Variants in GNB1L observed in about 807,000 individuals in gnomAD.
GNB1L encodes the protein G protein subunit beta 1 like.
GNB1L carries 20 observed loss-of-function variants against 29.1 expected under a neutral mutation model. The observed-to-expected ratio is 0.69, with a 90% CI of 0.48 to 1.00. The LOEUF (loss-of-function observed/expected upper bound fraction) is 1.00. Among genes scored for constraint, GNB1L ranks in the 50% least tolerant of loss-of-function variants. GNB1L has a pLI of 0.00. For missense variants in GNB1L, 421 were observed against 464.9 expected (o/e 0.91, Z 0.87); for synonymous variants, 193 against 206.5 (o/e 0.93, Z 0.56).
intron 2 of GNB1L, among the ~76,000 whole-genome samples, chr22:19,844,866 C>A (rs905746684): frequency 6.6e-6 from 1 of 152,346 alleles, no homozygotes. Context: ...GTGACATCCC[C>A]GTGCACCAGT....
intron 4 of GNB1L, among the ~76,000 whole-genome samples, chr22:19,819,614 G>A (rs1282451335): frequency 6.6e-6 from 1 of 152,222 alleles, no homozygotes; most frequent in African/African-American, 2.4e-5. Context: ...AACCATGGGG[G>A]CACCCAGAAA....
chr22:19,847,134 C>CTGCTG (rs1373547400), intron 2 of GNB1L: 2 of 985,314 alleles, frequency 2.0e-6, no homozygotes, highest in African/African-American at 3.5e-5. Flanking sequence ...TACTTGTGGC[C>CTGCTG]TGCTGTGGCC....
Position 19,850,391 on chromosome 22 carries a change from G to A in GNB1L, c.-21+4052C>T, listed in dbSNP as rs144358357. ...TAAGTGCTGAATCCGCAATGCATGC[G>A]AGTGCGGAGTGAGCAGGGGATGGCA... is the stretch of plus-strand genomic sequence containing the variant. On this transcript the variant is annotated intron_variant, in intron 2 of 7. Coordinates refer to ENST00000329517, the MANE Select transcript of GNB1L (RefSeq NM_053004.3). The A allele has an allele frequency of 3.8e-4, 380 of 988,774 alleles. 1 individual carries two copies. In the African/African-American group the frequency reaches 5.5e-3, roughly 14 times the overall value. The allele number at this position is 988,774 out of a possible 1,614,324, so 61.3% of individuals were successfully genotyped here.
chr22:19,851,872 C>T, intron 2 of GNB1L: 1 of 1,613,964 alleles, frequency 6.2e-7, no homozygotes, highest in East Asian at 2.2e-5. Flanking sequence ...CCTGATAGTG[C>T]TCAAAGTGGA....
At chr22:19,811,451 ACTCAAAGGCTCTT>A (rs886143377) in intron 5 of GNB1L, among the ~76,000 whole-genome samples, 1 of 151,820 alleles carries the variant, frequency 6.6e-6, no homozygotes, top group African/African-American at 2.4e-5. Flanking sequence ...GACAGTCGCC[ACTCAAAGGCTCTT>A]CTCTGATTTC....
chr22:19,783,226 G>A lies in GNB1L; in HGVS notation c.*5483C>T. 4 of 589,746 alleles carry A rather than the reference G, an allele frequency of 6.8e-6. No individual in the cohort carries two copies. Among genetic ancestry groups the A allele is most frequent in the Non-Finnish European group, 1.2e-5 (4 of 327,468 alleles). 36.5% of individuals were successfully genotyped at this position (589,746 alleles called of 1,614,324 possible). A position where few individuals can be genotyped will look rare whatever the true frequency, so the allele number is the denominator to read the frequency against. ...CCCAGAATGGCTGTTATGCTGCTCT[G>A]TTTGAGGTGGTTTATTAATGTAGCA... On this transcript the variant is annotated 3_prime_UTR_variant, in exon 8 of 8. Transcript: ENST00000329517.
intron 2 of GNB1L, among the ~76,000 whole-genome samples, chr22:19,843,958 G>C (rs996697449): frequency 6.6e-6 from 1 of 152,206 alleles, no homozygotes; most frequent in Admixed American, 6.5e-5. Context: ...CCCCCAGCAA[G>C]ATTCACTGCC....
chr22:19,849,060 C>T (rs1045157308), intron 2 of GNB1L: 7 of 985,346 alleles, frequency 7.1e-6, no homozygotes, highest in Non-Finnish European at 8.4e-6. Flanking sequence ...GGACGGAGGG[C>T]AGCTGTGACC....
chr22:19,807,969 CTGCTG>C (rs1937455203), intron 5 of GNB1L, among the ~76,000 whole-genome samples: 7 of 152,232 alleles, frequency 4.6e-5, no homozygotes, highest in Admixed American at 6.5e-5. Flanking sequence ...CTACAGAGAC[CTGCTG>C]AGGCGCCCAC....
intron 2 of GNB1L, among the ~76,000 whole-genome samples, chr22:19,835,299 A>G (rs966140218): frequency 2.0e-5 from 3 of 151,878 alleles, no homozygotes; most frequent in African/African-American, 7.3e-5. Context: ...GAAGAAACAC[A>G]TTCCTCTCAA....
chr22:19,796,238 C>A (rs1937304611), intron 7 of GNB1L, among the ~76,000 whole-genome samples: 2 of 152,180 alleles, frequency 1.3e-5, no homozygotes, highest in South Asian at 4.1e-4. Flanking sequence ...GTTCCCAGGC[C>A]AGCTTCAAAG....
At chr22:19,849,680 G>A (rs1261833841) in intron 2 of GNB1L, 1 of 984,914 alleles carries the variant, frequency 1.0e-6, no homozygotes, top group Admixed American at 6.1e-5. Context: ...TTCTGAATAA[G>A]TTTAATCAGA....
rs528951345 is a variant in GNB1L, at chr22:19,812,290, C to T, written c.412G>A (p.Asp138Asn). 9.3e-6 allele frequency: 15 copies of T among 1,612,182 alleles called. No homozygotes were observed. The highest frequency in any genetic ancestry group is 3.3e-5 in the South Asian group (3 of 90,922). ...TCAGGCAGGCTGGCTCTCACCTCGT[C>T]GCTGCCCCTCCCTGGCACGGCAAGC... ...WTLAVPGRGS[D>N]EVQILEMPSK... is the part of the protein sequence containing the mutation. The change falls in exon 5 of 8, where the codon GAC (aspartate) becomes AAC (asparagine). Residue 138 changes from aspartate (D) to asparagine (N), a missense_variant. Physicochemically the swap from Asp to Asn is conservative, Grantham distance 23. Transcript: ENST00000329517.
At chr22:19,814,596 C>G (rs1410038831) in intron 4 of GNB1L, among the ~76,000 whole-genome samples, 1 of 152,210 alleles carries the variant, frequency 6.6e-6, no homozygotes, top group Non-Finnish European at 1.5e-5. Flanking sequence ...CATGGGCCAT[C>G]AGGGACCCAT....
At chr22:19,820,341 C>T (rs1465495526) in intron 4 of GNB1L, among the ~76,000 whole-genome samples, 2 of 152,240 alleles carry the variant, frequency 1.3e-5, no homozygotes, top group Non-Finnish European at 2.9e-5. Flanking sequence ...CTCTGGCCTC[C>T]TCACCTGGCA....
chr22:19,789,732 A>G (rs1187134656), intron 7 of GNB1L, among the ~76,000 whole-genome samples: 1 of 151,976 alleles, frequency 6.6e-6, no homozygotes, highest in Non-Finnish European at 1.5e-5. Flanking sequence ...TGTAATCCCA[A>G]CTACTCGGGA....
intron 7 of GNB1L, among the ~76,000 whole-genome samples, chr22:19,790,948 A>G (rs1411229025): frequency 6.6e-6 from 1 of 152,224 alleles, no homozygotes; most frequent in African/African-American, 2.4e-5. Flanking sequence ...AATGATAAAG[A>G]GTACAATTCC....
At chr22:19,815,070 G>A (rs546505761) in intron 4 of GNB1L, among the ~76,000 whole-genome samples, 32 of 151,742 alleles carry the variant, frequency 2.1e-4, no homozygotes, top group Non-Finnish European at 4.7e-4. Flanking sequence ...TTGAGGTCAC[G>A]AAAATAAGTG....
intron 2 of GNB1L, chr22:19,847,558 G>A: frequency 1.0e-6 from 1 of 985,294 alleles, no homozygotes. Context: ...CTCATGCGGG[G>A]AGGGGAGGAG....
Sources: gnomAD v4.1 joint callset for allele counts (sites outside exome capture counted in the v4.1 genomes callset) on GRCh38, gnomAD v4.1.1 for gene constraint, MANE v1.5 for transcripts, NCBI Gene and HGNC (gene_info 2026-07-23, HGNC 2026-07-21) for gene names.